Variants in DOCK3 observed in about 807,000 individuals in gnomAD.
DOCK3 encodes dedicator of cytokinesis 3.
Under a neutral mutation model 265.6 loss-of-function variants are expected in DOCK3, and 60 were observed. That is an observed-to-expected ratio of 0.23 (90% CI 0.18 to 0.28). The LOEUF (loss-of-function observed/expected upper bound fraction) is 0.28, where lower values mean the gene tolerates loss of function less well. Among genes scored for constraint, DOCK3 ranks in the 10% least tolerant of loss-of-function variants. The probability of loss-of-function intolerance (pLI) is 1.00; values close to 1 mark genes in which losing one functional copy is unlikely to be tolerated. For synonymous variants in DOCK3, 881 were observed against 938.0 expected (o/e 0.94, Z 1.11); for missense variants, 1,981 against 2,594.3 (o/e 0.76, Z 5.14).
intron 22 of DOCK3, among the ~76,000 whole-genome samples, chr3:51,247,483 A>C (rs552621543): frequency 6.6e-6 from 1 of 152,246 alleles, no homozygotes; most frequent in Non-Finnish European, 1.5e-5. Flanking sequence ...ACAAACAAAC[A>C]AAAAACAGTT....
chr3:50,904,996 C>A (rs2049405130), intron 4 of DOCK3, among the ~76,000 whole-genome samples: 1 of 152,116 alleles, frequency 6.6e-6, no homozygotes, highest in South Asian at 2.1e-4. Flanking sequence ...CCAGTTTTCC[C>A]AGAACCGTTT....
intron 2 of DOCK3, among the ~76,000 whole-genome samples, chr3:50,834,603 T>C (rs187727880): frequency 3.3e-5 from 5 of 152,310 alleles, no homozygotes; most frequent in Non-Finnish European, 7.4e-5. Flanking sequence ...ATAGCTAAAA[T>C]ATTAATTAAG....
chr3:51,338,623 G>A (rs2085024896), intron 36 of DOCK3, among the ~76,000 whole-genome samples: 1 of 152,192 alleles, frequency 6.6e-6, no homozygotes, highest in South Asian at 2.1e-4. Context: ...GCTTCTCTTT[G>A]GATAGAACTC....
intron 9 of DOCK3, among the ~76,000 whole-genome samples, chr3:51,132,608 T>G (rs1205022679): frequency 6.6e-6 from 1 of 152,184 alleles, no homozygotes; most frequent in East Asian, 1.9e-4. Context: ...CCACCAAACT[T>G]AGGAGCGACC....
intron 14 of DOCK3, among the ~76,000 whole-genome samples, chr3:51,218,151 C>T (rs951888373): frequency 2.1e-5 from 3 of 143,418 alleles, no homozygotes; most frequent in South Asian, 4.5e-4. Flanking sequence ...ACCTCTTGCT[C>T]GGTCAGGCAC....
intron 5 of DOCK3, among the ~76,000 whole-genome samples, chr3:50,962,953 G>A (rs537755526): frequency 6.6e-6 from 1 of 152,310 alleles, no homozygotes; most frequent in South Asian, 2.1e-4. Flanking sequence ...TTGGGAGGCC[G>A]AGGCGGGTAG....
intron 5 of DOCK3, among the ~76,000 whole-genome samples, chr3:51,036,330 C>T (rs928083573): frequency 2.6e-5 from 4 of 152,136 alleles, no homozygotes; most frequent in Admixed American, 6.5e-5. Flanking sequence ...TCTGCAGAAC[C>T]CTGGTATCTG....
chr3:51,273,674 G>A (rs996395030), intron 24 of DOCK3, among the ~76,000 whole-genome samples: 4 of 152,218 alleles, frequency 2.6e-5, no homozygotes, highest in East Asian at 1.9e-4. Context: ...TGACAAGGCA[G>A]TGCCCAAATC....
At chr3:51,159,432 C>A in intron 11 of DOCK3, 128 bp downstream of exon 11, 1 of 812,616 alleles carries the variant, frequency 1.2e-6, no homozygotes, top group Non-Finnish European at 2.0e-6. Context: ...TAGAGTCCAG[C>A]TTGTATTGAA....
intron 1 of DOCK3, among the ~76,000 whole-genome samples, chr3:50,717,635 T>A (rs1047575778): frequency 2.0e-5 from 3 of 152,178 alleles, no homozygotes; most frequent in African/African-American, 7.2e-5. Context: ...TTCCTTTTTT[T>A]AAATTGAGAC....
chr3:50,689,466 A>G (rs1168047246), intron 1 of DOCK3, among the ~76,000 whole-genome samples: 3 of 152,238 alleles, frequency 2.0e-5, no homozygotes, highest in Non-Finnish European at 4.4e-5. Flanking sequence ...TTGTGAAACC[A>G]TGAGATCTTG....
Position 51,333,248 on chromosome 3 carries a change from C to G in DOCK3, c.3606C>G (p.Asp1202Glu). 1 of 1,612,642 alleles carries G rather than the reference C, an allele frequency of 6.2e-7. No homozygotes were observed. Among genetic ancestry groups the G allele is most frequent in the East Asian group, 2.2e-5 (1 of 44,884 alleles). The part of the protein sequence containing the change: ...SVTRLMERLL[D>E]YRDCMKGEET... Reference sequence around the variant, plus strand: ...CCCGCCTCATGGAACGTCTTCTTGACTACAGGTATCTTCTCAGCCACCCGC... The same window carrying G: ...CCCGCCTCATGGAACGTCTTCTTGAGTACAGGTATCTTCTCAGCCACCCGC... The change falls in exon 35 of 53, where the codon GAC (aspartate) becomes GAG (glutamate). Residue 1202 changes from aspartate to glutamate, a missense_variant. Around this residue, in one of 4 missense-constraint regions of DOCK3, gnomAD observed 1,357 missense variants for 1,866.8 expected, o/e 0.73. Transcript: ENST00000266037.
intron 7 of DOCK3, among the ~76,000 whole-genome samples, chr3:51,084,305 A>G (rs996832298): frequency 6.6e-6 from 1 of 152,204 alleles, no homozygotes; most frequent in Non-Finnish European, 1.5e-5. Context: ...ACTATTAAAA[A>G]TCAAAGACAA....
intron 12 of DOCK3, among the ~76,000 whole-genome samples, chr3:51,183,226 C>T (rs1485102617): frequency 1.3e-5 from 2 of 152,200 alleles, no homozygotes; most frequent in African/African-American, 4.8e-5. Flanking sequence ...ATCAAATCTG[C>T]TTTGTGAAAG....
chr3:50,947,119 T>A (rs1394143496), intron 5 of DOCK3, among the ~76,000 whole-genome samples: 3 of 152,086 alleles, frequency 2.0e-5, no homozygotes, highest in East Asian at 1.9e-4. Flanking sequence ...AGTTTTTTTT[T>A]ATGTGATATA....
At chr3:51,055,442 T>C (rs951454478) in intron 5 of DOCK3, among the ~76,000 whole-genome samples, 17 of 152,210 alleles carry the variant, frequency 1.1e-4, no homozygotes, top group African/African-American at 3.9e-4. Context: ...TGACAAGTCA[T>C]CTACTTTCCA....
intron 5 of DOCK3, among the ~76,000 whole-genome samples, chr3:50,979,964 TTACTC>T (rs749828676): frequency 6.6e-6 from 1 of 152,228 alleles, no homozygotes; most frequent in Non-Finnish European, 1.5e-5. Flanking sequence ...TCTTGCCTGA[TTACTC>T]TAGCTAGGCT....
At chr3:51,077,557 T>G (rs537470709) in intron 7 of DOCK3, among the ~76,000 whole-genome samples, 2 of 152,264 alleles carry the variant, frequency 1.3e-5, no homozygotes, top group South Asian at 4.2e-4. Flanking sequence ...TGTAGATAGA[T>G]TAAATTGCCA....
chr3:51,266,886 A>C (rs1451384762), intron 23 of DOCK3, among the ~76,000 whole-genome samples: 1 of 152,240 alleles, frequency 6.6e-6, no homozygotes, highest in Non-Finnish European at 1.5e-5. Context: ...CAGAGTGAAC[A>C]GGCAAGCTAT....
Sources: gnomAD v4.1 joint callset for allele counts (sites outside exome capture counted in the v4.1 genomes callset) on GRCh38, gnomAD v4.1.1 for gene constraint, gnomAD v4.1.1 regional missense constraint, MANE v1.5 for transcripts, NCBI Gene and HGNC (gene_info 2026-07-23, HGNC 2026-07-21) for gene names.